The following RUNX1T1 variants were observed in gnomAD, a reference collection of about 807,000 sequenced individuals.
RUNX1T1 encodes the protein protein CBFA2T1.
Under a neutral mutation model 62.8 loss-of-function variants are expected in RUNX1T1, and 4 were observed. The ratio of observed to expected loss-of-function variants is 0.06; its 90% CI spans 0.03 to 0.15. The LOEUF (loss-of-function observed/expected upper bound fraction) is 0.15. RUNX1T1 is among the 10% of genes least tolerant of loss of function. The pLI is 1.00. For missense variants in RUNX1T1, 508 were observed against 754.3 expected (o/e 0.67, Z 3.82); for synonymous variants, 291 against 286.0 (o/e 1.02, Z -0.18).
intron 5 of RUNX1T1, among the ~76,000 whole-genome samples, chr8:91,992,698 T>C (rs1817911829): frequency 6.6e-6 from 1 of 152,118 alleles, no homozygotes; most frequent in South Asian, 2.1e-4. Context: ...CCCCTTATTT[T>C]AAAGTTGAGG....
At chr8:92,052,319 C>G (rs1023890865) in intron 1 of RUNX1T1, among the ~76,000 whole-genome samples, 1 of 152,160 alleles carries the variant, frequency 6.6e-6, no homozygotes, top group African/African-American at 2.4e-5. Context: ...AACAAACCAA[C>G]AAACCAGAAT....
Position 92,005,118 on chromosome 8 carries a change from G to A in RUNX1T1, c.657C>T (p.Asp219=), listed in dbSNP as rs200143453. The change falls in exon 5 of 11, where the codon GAC becomes GAT. Residue 219 remains aspartate, a splice_region_variant and synonymous_variant. Coordinates refer to ENST00000396218, the Ensembl canonical transcript of RUNX1T1. The stretch of plus-strand genomic sequence containing the variant: ...TCCAGGCTCCTCCTCCCTCTCACCT[G>A]TCTGGAGTTCGCCTCTTCCCGTTTT... 1.9e-5 allele frequency: 31 copies of A among 1,608,316 alleles called. No individual in the cohort carries two copies. The highest frequency in any genetic ancestry group is 2.2e-5 in the Non-Finnish European group (26 of 1,177,386).
chr8:92,052,489 C>T (rs1480445450), intron 1 of RUNX1T1, among the ~76,000 whole-genome samples: 3 of 152,078 alleles, frequency 2.0e-5, no homozygotes, highest in African/African-American at 7.2e-5. Flanking sequence ...TATTTCTCTA[C>T]ACAAGTCCAC....
At chr8:92,085,871 A>T (rs549645072) in intron 1 of RUNX1T1, among the ~76,000 whole-genome samples, 1 of 152,296 alleles carries the variant, frequency 6.6e-6, no homozygotes, top group East Asian at 1.9e-4. Flanking sequence ...TGTTAAAGAA[A>T]TTCCTTTACT....
chr8:92,047,119 C>A (rs1048429438), intron 1 of RUNX1T1, among the ~76,000 whole-genome samples: 12 of 152,136 alleles, frequency 7.9e-5, no homozygotes, highest in African/African-American at 2.2e-4. Flanking sequence ...CATGAGCTAT[C>A]TGCCCCTCAC....
chr8:92,045,402 C>T (rs1203644201), intron 1 of RUNX1T1, among the ~76,000 whole-genome samples: 1 of 152,138 alleles, frequency 6.6e-6, no homozygotes, highest in Non-Finnish European at 1.5e-5. Context: ...CAAGATGGAT[C>T]CTACTATTGT....
chr8:92,040,798 A>C (rs1014186078), intron 1 of RUNX1T1, among the ~76,000 whole-genome samples: 2 of 152,186 alleles, frequency 1.3e-5, no homozygotes, highest in African/African-American at 2.4e-5. Context: ...ACAGCTATTT[A>C]AGAGGCTGGG....
At chr8:91,993,706 A>T (rs1206996744) in intron 5 of RUNX1T1, among the ~76,000 whole-genome samples, 1 of 152,108 alleles carries the variant, frequency 6.6e-6, no homozygotes, top group African/African-American at 2.4e-5. Context: ...AAAACTCTAC[A>T]TGAGGCCAGG....
At chr8:92,050,773 A>AGG (rs1218847695) in intron 1 of RUNX1T1, among the ~76,000 whole-genome samples, 2 of 152,184 alleles carry the variant, frequency 1.3e-5, no homozygotes, top group Admixed American at 1.3e-4. Flanking sequence ...ATCCTTTTAA[A>AGG]GGGGGCAATT....
At chr8:92,035,644 A>G (rs763100542) in intron 1 of RUNX1T1, among the ~76,000 whole-genome samples, 1 of 152,160 alleles carries the variant, frequency 6.6e-6, no homozygotes, top group Admixed American at 6.5e-5. Flanking sequence ...TGCATAATAC[A>G]ACTTTTCATG....
At chr8:92,066,464 T>C (rs944723097), upstream of RUNX1T1, among the ~76,000 whole-genome samples, 1 of 152,220 alleles carries the variant, frequency 6.6e-6, no homozygotes, top group Non-Finnish European at 1.5e-5. Context: ...CCCAAAGGTT[T>C]TGATTTTCCA....
chr8:92,061,745 C>A (rs1042186190), intron 1 of RUNX1T1, among the ~76,000 whole-genome samples: 1 of 152,128 alleles, frequency 6.6e-6, no homozygotes, highest in African/African-American at 2.4e-5. Context: ...CCACATAAAT[C>A]GGCCAGCTGG....
intron 5 of RUNX1T1, among the ~76,000 whole-genome samples, chr8:91,998,979 T>C (rs142351138): frequency 1.6e-3 from 242 of 152,326 alleles, no homozygotes; most frequent in Middle Eastern, 6.8e-3. Context: ...GAATTATTTG[T>C]TCAATAGTGG....
chr8:92,025,030 C>T (rs1476474324), intron 1 of RUNX1T1, among the ~76,000 whole-genome samples: 5 of 152,260 alleles, frequency 3.3e-5, no homozygotes, highest in African/African-American at 9.6e-5. Context: ...TTATTCACTC[C>T]GTGGCCAGTA....
chr8:91,985,445 CTATAT>C (rs1004199478), intron 8 of RUNX1T1, among the ~76,000 whole-genome samples: 6 of 152,006 alleles, frequency 3.9e-5, no homozygotes, highest in African/African-American at 1.5e-4. Context: ...TAAGGCACAA[CTATAT>C]TATGAGTCCT....
intron 10 of RUNX1T1, among the ~76,000 whole-genome samples, chr8:91,963,679 A>G (rs1345993550): frequency 1.3e-5 from 2 of 152,214 alleles, no homozygotes; most frequent in East Asian, 1.9e-4. Context: ...CAAAGGTGGA[A>G]ATTGCAAACT....
At chr8:92,054,538 T>C (rs1739112712) in intron 1 of RUNX1T1, among the ~76,000 whole-genome samples, 1 of 152,216 alleles carries the variant, frequency 6.6e-6, no homozygotes. Flanking sequence ...CTGTTTCTAC[T>C]TTTAAGACAA....
intron 10 of RUNX1T1, among the ~76,000 whole-genome samples, chr8:91,964,644 A>G (rs2130506150): frequency 6.6e-6 from 1 of 152,336 alleles, no homozygotes; most frequent in African/African-American, 2.4e-5. Flanking sequence ...TTACATAGCC[A>G]AAGTTTGATT....
chr8:92,095,318 C>G (rs1463213739), intron 1 of RUNX1T1: 2 of 1,527,526 alleles, frequency 1.3e-6, no homozygotes, highest in East Asian at 2.4e-5. Context: ...CCTCCCTGCT[C>G]GCCTCCCTCC....
Sources: gnomAD v4.1 joint callset for allele counts (sites outside exome capture counted in the v4.1 genomes callset) on GRCh38, gnomAD v4.1.1 for gene constraint, MANE v1.5 for transcripts, NCBI Gene and HGNC (gene_info 2026-07-23, HGNC 2026-07-21) for gene names.